The following UBQLN1 variants were observed in gnomAD, a reference collection of about 807,000 sequenced individuals.
The protein encoded by UBQLN1 is ubiquilin 1, also known as ubiquilin-1.
Under a neutral mutation model 65.4 loss-of-function variants are expected in UBQLN1, and 13 were observed. The ratio of observed to expected loss-of-function variants is 0.20; its 90% CI spans 0.13 to 0.32. The LOEUF (loss-of-function observed/expected upper bound fraction) is 0.32. Among genes scored for constraint, UBQLN1 ranks in the 10% least tolerant of loss-of-function variants. The pLI is 1.00. For synonymous variants in UBQLN1, 267 were observed against 247.8 expected (o/e 1.08, Z -0.73); for missense variants, 561 against 724.0 (o/e 0.77, Z 2.58).
At chr9:83,706,778 C>G (rs763309285) in intron 1 of UBQLN1, among the ~76,000 whole-genome samples, 95 of 152,054 alleles carry the variant, frequency 6.2e-4, no homozygotes, top group Non-Finnish European at 1.1e-3. Flanking sequence ...TCGCTATCGC[C>G]CCTCTAAAAT....
chr9:83,704,592 C>T (rs1226403756), intron 1 of UBQLN1, among the ~76,000 whole-genome samples: 1 of 152,052 alleles, frequency 6.6e-6, no homozygotes, highest in Non-Finnish European at 1.5e-5. Flanking sequence ...TTTGGGAAGC[C>T]GAGGCAGGCG....
rs954466401 is a variant in UBQLN1 at position 83,666,007 on chromosome 9, T to C, written c.1332+343A>G. 9.2e-5 allele frequency among the ~76,000 whole-genome samples: 14 copies of C among 152,314 alleles called. No homozygotes were observed. In the East Asian group the frequency reaches 9.7e-4, roughly 11 times the overall value. Reference sequence around the variant, plus strand: ...GTAGCTCTTTCCTGTTACTCAAAATTAGTTAAACCATAAAGCGTAACATGA... The same window carrying C: ...GTAGCTCTTTCCTGTTACTCAAAATCAGTTAAACCATAAAGCGTAACATGA... On this transcript the variant is annotated intron_variant, in intron 8 of 10. Coordinates refer to ENST00000376395, the MANE Select transcript of UBQLN1 (RefSeq NM_013438.5).
intron 1 of UBQLN1, among the ~76,000 whole-genome samples, chr9:83,692,766 C>T (rs1163079267): frequency 6.6e-6 from 1 of 152,136 alleles, no homozygotes; most frequent in Non-Finnish European, 1.5e-5. Flanking sequence ...GCAGGAGAAT[C>T]GCTTGAACCC....
chr9:83,684,386 C>A (rs944028423), intron 2 of UBQLN1, among the ~76,000 whole-genome samples: 2 of 151,726 alleles, frequency 1.3e-5, no homozygotes, highest in Admixed American at 6.6e-5. Flanking sequence ...GTAGAGACAG[C>A]GTTTCACCAT....
At chr9:83,674,081 G>A (rs1190463576) in intron 6 of UBQLN1, among the ~76,000 whole-genome samples, 1 of 151,982 alleles carries the variant, frequency 6.6e-6, no homozygotes, top group Non-Finnish European at 1.5e-5. Context: ...TAACAAGTAT[G>A]AGCCACCATG....
chr9:83,668,642 A>T, intron 7 of UBQLN1: 1 of 985,614 alleles, frequency 1.0e-6, no homozygotes, highest in Non-Finnish European at 1.2e-6. Flanking sequence ...CTTTAGAAAC[A>T]AATTAGAAAA....
At chr9:83,678,621 A>C (rs745733937) in intron 4 of UBQLN1, 22 bp from the exon 5 acceptor site, 1 of 1,584,612 alleles carries the variant, frequency 6.3e-7, no homozygotes, top group Non-Finnish European at 8.5e-7. Context: ...ATTTCCAAAA[A>C]AAGAAAAAAA....
rs546758613 is a variant in UBQLN1, at chr9:83,689,128, TTC to T, written c.181-2975_181-2974del. ...CCATAAGAAACCAGTAATTTCTACT[TTC>T]TGTTTCCATACGAGTATTTCATATA... On this transcript the variant is annotated intron_variant, in intron 1 of 10. Coordinates refer to ENST00000376395, the MANE Select transcript of UBQLN1 (RefSeq NM_013438.5). Among the ~76,000 whole-genome samples, 7 of 152,328 alleles carry T rather than the reference TTC, an allele frequency of 4.6e-5. No homozygotes were observed. In the East Asian group the frequency reaches 5.8e-4, roughly 13 times the overall value.
At chr9:83,691,336 T>C (rs1832125520) in intron 1 of UBQLN1, among the ~76,000 whole-genome samples, 2 of 152,050 alleles carry the variant, frequency 1.3e-5, no homozygotes, top group Admixed American at 1.3e-4. Context: ...GGCTAAAAGA[T>C]GATCCATTAA....
chr9:83,666,286 G>A, intron 8 of UBQLN1, 64 bp downstream of exon 8: 2 of 1,507,584 alleles, frequency 1.3e-6, no homozygotes, highest in Non-Finnish European at 1.8e-6. Context: ...AAGGAAAAAT[G>A]TTTATCATCA....
At chr9:83,687,877 T>C (rs1172298881) in intron 1 of UBQLN1, among the ~76,000 whole-genome samples, 3 of 152,226 alleles carry the variant, frequency 2.0e-5, no homozygotes, top group Non-Finnish European at 4.4e-5. Flanking sequence ...CACAAAACTA[T>C]ACTTCAGTAA....
chr9:83,663,082 A>G (rs1831587447), intron 10 of UBQLN1, among the ~76,000 whole-genome samples: 4 of 149,588 alleles, frequency 2.7e-5, no homozygotes, highest in South Asian at 4.3e-4. Context: ...AAAAAAAAAA[A>G]GGGAAAGGCA....
At chr9:83,675,868 CA>C (rs1163921768) in intron 6 of UBQLN1, among the ~76,000 whole-genome samples, 1 of 152,142 alleles carries the variant, frequency 6.6e-6, no homozygotes, top group Non-Finnish European at 1.5e-5. Flanking sequence ...GTTATTCCCC[CA>C]AAGAAGTCCC....
chr9:83,663,804 TCC>T, intron 10 of UBQLN1, 69 bp downstream of exon 10: 3 of 1,526,184 alleles, frequency 2.0e-6, no homozygotes, highest in Admixed American at 4.1e-5. Flanking sequence ...TCTCCCTTTT[TCC>T]TTCTTTTTGG....
intron 6 of UBQLN1, among the ~76,000 whole-genome samples, chr9:83,670,573 A>C (rs1195429380): frequency 6.6e-6 from 1 of 152,210 alleles, no homozygotes; most frequent in Non-Finnish European, 1.5e-5. Context: ...TAAATATAAA[A>C]ATACTTTATT....
At chr9:83,702,722 C>A (rs988244858) in intron 1 of UBQLN1, among the ~76,000 whole-genome samples, 1 of 152,048 alleles carries the variant, frequency 6.6e-6, no homozygotes, top group African/African-American at 2.4e-5. Context: ...AAGTACTTAA[C>A]CACATGTGGG....
intron 1 of UBQLN1, among the ~76,000 whole-genome samples, chr9:83,690,127 C>T (rs1832102202): frequency 1.3e-5 from 2 of 152,198 alleles, no homozygotes; most frequent in African/African-American, 4.8e-5. Flanking sequence ...TAACAAACTA[C>T]ATGTCCACAA....
chr9:83,671,916 G>C (rs1353598230), intron 6 of UBQLN1, among the ~76,000 whole-genome samples: 3 of 152,158 alleles, frequency 2.0e-5, no homozygotes, highest in African/African-American at 7.2e-5. Flanking sequence ...ATTAAAAACT[G>C]GTTGTTTCAT....
At chr9:83,684,447 A>ACC (rs1832004022) in intron 2 of UBQLN1, among the ~76,000 whole-genome samples, 1 of 151,560 alleles carries the variant, frequency 6.6e-6, no homozygotes, top group Non-Finnish European at 1.5e-5. Flanking sequence ...TGCCCACCTC[A>ACC]CCCTCCCAAA....
Sources: allele counts gnomAD v4.1 joint callset (sites outside exome capture counted in the v4.1 genomes callset), GRCh38; gene constraint gnomAD v4.1.1; transcripts MANE v1.5; gene names NCBI Gene and HGNC (gene_info 2026-07-23, HGNC 2026-07-21).